Variants in CDKN2AIPNL observed in about 807,000 individuals in gnomAD.
The protein encoded by CDKN2AIPNL is CDKN2AIP N-terminal-like protein.
Under a neutral mutation model 12.9 loss-of-function variants are expected in CDKN2AIPNL, and 9 were observed. The ratio of observed to expected loss-of-function variants is 0.70; its 90% CI spans 0.42 to 1.22. The LOEUF (loss-of-function observed/expected upper bound fraction) is 1.22, where lower values mean the gene tolerates loss of function less well. Ranked by LOEUF, CDKN2AIPNL falls within the 50% of genes most tolerant of loss-of-function variation. The probability of loss-of-function intolerance (pLI) is 0.00; values close to 1 mark genes in which losing one functional copy is unlikely to be tolerated. For synonymous variants in CDKN2AIPNL, 53 were observed against 61.7 expected (o/e 0.86, Z 0.66); for missense variants, 143 against 153.6 (o/e 0.93, Z 0.37).
At position 134,411,813 on chromosome 5, in the gene CDKN2AIPNL, A is replaced by G. The variant is rs763985671; in HGVS notation, c.42T>C (p.Val14=). Residue 14 remains valine, a synonymous_variant, in exon 1 of 3, where the codon GTT becomes GTC. Coordinates refer to ENST00000458198, the MANE Select transcript of CDKN2AIPNL (RefSeq NM_080656.3). ...GEAAAAVEEL[V]SGVRQAADFA... The stretch of plus-strand genomic sequence containing the variant: ...AGTCGGCCGCCTGCCGCACCCCCGA[A>G]ACCAGCTCCTCCACTGCGGCAGCCG... 4.7e-5 allele frequency: 75 copies of G among 1,600,378 alleles called. No homozygotes were observed. Among genetic ancestry groups the G allele is most frequent in the Non-Finnish European group, 6.1e-5 (72 of 1,174,608 alleles).
intron 2 of CDKN2AIPNL, among the ~76,000 whole-genome samples, chr5:134,409,488 C>T (rs1046990899): frequency 1.3e-5 from 2 of 152,160 alleles, no homozygotes; most frequent in African/African-American, 4.8e-5. Flanking sequence ...GCTCCAGGCA[C>T]GTTCTTATCA....
chr5:134,407,296 C>CACACACACA (rs1223265783), intron 2 of CDKN2AIPNL, among the ~76,000 whole-genome samples: 1 of 140,754 alleles, frequency 7.1e-6, no homozygotes, highest in African/African-American at 2.6e-5. Context: ...CACACACACA[C>CACACACACA]ACTTCACACT....
chr5:134,404,460 A>AC (rs954250808), intron 2 of CDKN2AIPNL, among the ~76,000 whole-genome samples: 13 of 152,104 alleles, frequency 8.5e-5, no homozygotes, highest in Non-Finnish European at 1.8e-4. Context: ...AGTAGCTGGG[A>AC]CCACAGGCAT....
rs1234726950 is a variant in CDKN2AIPNL at position 134,402,859 on chromosome 5, C to T, written c.*56G>A. On this transcript the variant is annotated 3_prime_UTR_variant, in exon 3 of 3. Coordinates refer to ENST00000458198, the MANE Select transcript of CDKN2AIPNL (RefSeq NM_080656.3). ...CTGCTGTGGTCTATGTCACATTCAT[C>T]CCAGCCTCCTTTCTAATCCTGTAGC... is the stretch of plus-strand genomic sequence containing the variant. 4 of 1,557,070 alleles carry T rather than the reference C, an allele frequency of 2.6e-6. No homozygotes were observed. Among genetic ancestry groups the T allele is most frequent in the Non-Finnish European group, 3.5e-6 (4 of 1,135,158 alleles).
chr5:134,407,256 A>AAC (rs5871539), intron 2 of CDKN2AIPNL, among the ~76,000 whole-genome samples: 12,373 of 139,516 alleles, frequency 0.089, 553 homozygotes, highest in East Asian at 0.15. Context: ...GACCCTTCCT[A>AAC]ACACACACAC....
intron 2 of CDKN2AIPNL, among the ~76,000 whole-genome samples, 167 bp from the exon 3 acceptor site, chr5:134,403,093 C>T (rs948553126): frequency 2.4e-4 from 36 of 152,192 alleles, no homozygotes; most frequent in Non-Finnish European, 4.0e-4. Flanking sequence ...TTCAGCAAAA[C>T]ATTGACCACA....
At chr5:134,410,945 T>C (rs961880400) in intron 1 of CDKN2AIPNL, 1 of 696,594 alleles carries the variant, frequency 1.4e-6, no homozygotes, top group African/African-American at 1.8e-5. Context: ...TATCAGGCAC[T>C]TCAAAAGCGG....
At chr5:134,407,625 A>G (rs1309809190) in intron 2 of CDKN2AIPNL, among the ~76,000 whole-genome samples, 2 of 151,894 alleles carry the variant, frequency 1.3e-5, no homozygotes, top group Non-Finnish European at 2.9e-5. Context: ...AAATACAAAA[A>G]ATAGCCGCGC....
chr5:134,404,428 A>G (rs1759071249), intron 2 of CDKN2AIPNL, among the ~76,000 whole-genome samples: 1 of 152,116 alleles, frequency 6.6e-6, no homozygotes, highest in Non-Finnish European at 1.5e-5. Context: ...GGCTCAAGTG[A>G]TCCTCCCACC....
intron 2 of CDKN2AIPNL, among the ~76,000 whole-genome samples, chr5:134,407,696 C>G (rs1164084237): frequency 6.6e-6 from 1 of 151,466 alleles, no homozygotes; most frequent in Non-Finnish European, 1.5e-5. Flanking sequence ...ATCGCTTAAA[C>G]TCGCGAGGCA....
At chr5:134,406,082 C>T (rs1041328212) in intron 2 of CDKN2AIPNL, among the ~76,000 whole-genome samples, 2 of 152,156 alleles carry the variant, frequency 1.3e-5, no homozygotes, top group African/African-American at 4.8e-5. Flanking sequence ...CTGCAACTGT[C>T]CAACAAATTC....
chr5:134,411,881 T>C lies in CDKN2AIPNL; in HGVS notation c.-27A>G, dbSNP rs753596291. 1.3e-6 allele frequency: 2 copies of C among 1,539,520 alleles called. No individual in the cohort carries two copies. The highest frequency in any genetic ancestry group is 1.8e-6 in the Non-Finnish European group (2 of 1,140,566). ...GTGCCCGCCGCAGCCGAGGACCGGA[T>C]AGCCCGCCGCCTTCCCGACGCGCAC... On this transcript the variant is annotated 5_prime_UTR_variant, in exon 1 of 3. Coordinates refer to ENST00000458198, the MANE Select transcript of CDKN2AIPNL (RefSeq NM_080656.3).
intron 2 of CDKN2AIPNL, 150 bp from the exon 3 acceptor site, chr5:134,403,076 C>T (rs1759052468): frequency 3.5e-6 from 2 of 574,136 alleles, no homozygotes; most frequent in Non-Finnish European, 5.6e-6. Context: ...TTACAACATA[C>T]AGAAAATTCA....
chr5:134,408,474 C>T (rs891036550), intron 2 of CDKN2AIPNL, among the ~76,000 whole-genome samples: 2 of 144,216 alleles, frequency 1.4e-5, no homozygotes, highest in Non-Finnish European at 3.0e-5. Flanking sequence ...TCGAGACCAT[C>T]CTGGCTAACA....
chr5:134,405,240 G>T (rs1344568520), intron 2 of CDKN2AIPNL, among the ~76,000 whole-genome samples: 2 of 150,910 alleles, frequency 1.3e-5, no homozygotes, highest in Non-Finnish European at 2.9e-5. Context: ...CGAGTAGCTG[G>T]GACTACAGGC....
At chr5:134,404,515 C>T (rs1561687321) in intron 2 of CDKN2AIPNL, among the ~76,000 whole-genome samples, 1 of 151,946 alleles carries the variant, frequency 6.6e-6, no homozygotes, top group Non-Finnish European at 1.5e-5. Flanking sequence ...TTTGTTGCAA[C>T]AAAAGTCTCA....
At chr5:134,405,160 C>G (rs1759083809) in intron 2 of CDKN2AIPNL, among the ~76,000 whole-genome samples, 1 of 149,296 alleles carries the variant, frequency 6.7e-6, no homozygotes, top group Non-Finnish European at 1.5e-5. Context: ...GGCCGGATTG[C>G]AGTGGCGCAA....
At chr5:134,411,031 A>G (rs926628188) in intron 1 of CDKN2AIPNL, 10 of 702,358 alleles carry the variant, frequency 1.4e-5, no homozygotes, top group Admixed American at 2.0e-5. Flanking sequence ...GGCCATTTTC[A>G]TAAGAGGGAA....
chr5:134,411,586 C>G (rs1468277695), intron 1 of CDKN2AIPNL, 30 bp downstream of exon 1: 1 of 1,586,892 alleles, frequency 6.3e-7, no homozygotes, highest in East Asian at 2.2e-5. Flanking sequence ...AGATAGGGGA[C>G]AGGATCAGCC....
Sources: gnomAD v4.1 joint callset for allele counts (sites outside exome capture counted in the v4.1 genomes callset) on GRCh38, gnomAD v4.1.1 for gene constraint, MANE v1.5 for transcripts, NCBI Gene and HGNC (gene_info 2026-07-23, HGNC 2026-07-21) for gene names.